INPP4B: variants seen among roughly 807,000 people sequenced by gnomAD.
The protein encoded by INPP4B is inositol polyphosphate-4-phosphatase type II B.
Under a neutral mutation model 122.5 loss-of-function variants are expected in INPP4B, and 55 were observed. The observed-to-expected ratio is 0.45, with a 90% confidence interval of 0.36 to 0.56. The LOEUF (loss-of-function observed/expected upper bound fraction) is 0.56. Ranked by LOEUF, INPP4B falls within the 20% of genes least tolerant of loss-of-function variation. The probability of loss-of-function intolerance (pLI) is 0.00; values close to 1 mark genes in which losing one functional copy is unlikely to be tolerated. For synonymous variants in INPP4B, 403 were observed against 388.7 expected, an observed-to-expected ratio of 1.04 and a Z score of -0.43; for missense variants, 1,000 against 1,097.7, an observed-to-expected ratio of 0.91 and a Z score of 1.26.
At chr4:142,506,444 G>A (rs1368947650) in intron 2 of INPP4B, among the ~76,000 whole-genome samples, 1 of 152,116 alleles carries the variant, frequency 6.6e-6, no homozygotes, top group African/African-American at 2.4e-5. Context: ...AGAAAGAAGG[G>A]TTAGGCTTTT....
At chr4:142,555,595 G>A (rs1327042917) in intron 2 of INPP4B, among the ~76,000 whole-genome samples, 2 of 152,106 alleles carry the variant, frequency 1.3e-5, no homozygotes, top group African/African-American at 4.8e-5. Flanking sequence ...TCGGCCAGGC[G>A]TGGTGGCTCA....
At chr4:142,392,340 T>A (rs1325480461) in intron 7 of INPP4B, among the ~76,000 whole-genome samples, 1 of 152,224 alleles carries the variant, frequency 6.6e-6, no homozygotes, top group Non-Finnish European at 1.5e-5. Context: ...TGTTTATGCC[T>A]CTATGAACAA....
At chr4:142,723,411 G>A (rs1299891006) in intron 2 of INPP4B, among the ~76,000 whole-genome samples, 1 of 152,038 alleles carries the variant, frequency 6.6e-6, no homozygotes, top group Non-Finnish European at 1.5e-5. Flanking sequence ...TCCTACCATG[G>A]TATACCTACC....
chr4:142,602,070 T>C (rs1740130364), intron 2 of INPP4B, among the ~76,000 whole-genome samples: 1 of 151,632 alleles, frequency 6.6e-6, no homozygotes, highest in Non-Finnish European at 1.5e-5. Flanking sequence ...AGGATCTACA[T>C]CTAGAGCACC....
At chr4:142,215,892 CAAAAAAAAAAAAAAAAAAAAAAAAAAAAA>C (rs200657873) in intron 12 of INPP4B, among the ~76,000 whole-genome samples, 13 of 54,574 alleles carry the variant, frequency 2.4e-4, no homozygotes, top group African/African-American at 7.5e-4. Context: ...GACTCTGTCT[CAAAAAAAAAAAAAAAAAAAAAAAAAAAAA>C]AAAAAAAAAA....
At chr4:142,197,830 T>C (rs1413601380) in intron 14 of INPP4B, among the ~76,000 whole-genome samples, 3 of 152,144 alleles carry the variant, frequency 2.0e-5, no homozygotes, top group Non-Finnish European at 4.4e-5. Context: ...TAAAACAGAT[T>C]TTCCATGAGA....
At chr4:142,160,274 AATGGAAAGCAGAGCT>A in intron 17 of INPP4B, 69 bp downstream of exon 17, 1 of 1,005,598 alleles carries the variant, frequency 9.9e-7, no homozygotes, top group Non-Finnish European at 1.4e-6. Context: ...CATTTTTTAA[AATGGAAAGCAGAGCT>A]ATCTGATCAT....
At chr4:142,266,273 C>T (rs909963288) in intron 10 of INPP4B, among the ~76,000 whole-genome samples, 5 of 152,118 alleles carry the variant, frequency 3.3e-5, no homozygotes, top group Non-Finnish European at 7.4e-5. Context: ...TCAAGAAAGT[C>T]TGCTCCAAAA....
intron 2 of INPP4B, among the ~76,000 whole-genome samples, chr4:142,716,726 A>C (rs1763820245): frequency 6.6e-6 from 1 of 152,190 alleles, no homozygotes; most frequent in Non-Finnish European, 1.5e-5. Flanking sequence ...ATTGTATTAA[A>C]GTTTTTTCAT....
At chr4:142,145,733 T>C in intron 18 of INPP4B, 107 bp downstream of exon 18, 1 of 1,067,362 alleles carries the variant, frequency 9.4e-7, no homozygotes, top group Admixed American at 2.0e-5. Context: ...CTATCAGCAC[T>C]CTCATCAAAG....
intron 16 of INPP4B, among the ~76,000 whole-genome samples, chr4:142,168,850 C>A (rs1824141712): frequency 6.6e-6 from 1 of 151,460 alleles, no homozygotes; most frequent in Non-Finnish European, 1.5e-5. Context: ...GCAATCTTGG[C>A]CTCCCAAACT....
intron 11 of INPP4B, among the ~76,000 whole-genome samples, chr4:142,251,870 C>T (rs17654944): frequency 0.084 from 12,802 of 152,168 alleles, 710 homozygotes; most frequent in Middle Eastern, 0.17. Flanking sequence ...ATTCATTAAC[C>T]TGATTATCAT....
At chr4:142,621,920 G>C (rs532783364) in intron 2 of INPP4B, among the ~76,000 whole-genome samples, 1 of 151,916 alleles carries the variant, frequency 6.6e-6, no homozygotes, top group African/African-American at 2.4e-5. Flanking sequence ...CTACAGGCAA[G>C]TGTTGTTAAT....
intron 5 of INPP4B, chr4:142,426,681 C>T (rs948291792): frequency 1.3e-5 from 2 of 151,832 alleles, no homozygotes; most frequent in Non-Finnish European, 2.9e-5. Context: ...ATTCAATAAG[C>T]AGAAGAACTT....
chr4:142,664,757 G>T (rs1206357800), intron 2 of INPP4B, among the ~76,000 whole-genome samples: 1 of 151,966 alleles, frequency 6.6e-6, no homozygotes, highest in East Asian at 1.9e-4. Context: ...ACAGAAAACA[G>T]AAAACAAGAT....
chr4:142,188,518 A>ATATATATATATATATATAT (rs1363710453), intron 15 of INPP4B, among the ~76,000 whole-genome samples: 1 of 105,096 alleles, frequency 9.5e-6, no homozygotes, highest in Admixed American at 1.3e-4. Context: ...AAAGAAAAAA[A>ATATATATATATATATATAT]ATATATATAG....
intron 25 of INPP4B, among the ~76,000 whole-genome samples, chr4:142,049,385 T>G (rs1015247795): frequency 1.4e-4 from 22 of 152,086 alleles, no homozygotes; most frequent in African/African-American, 4.8e-4. Flanking sequence ...TGTCTGGTTT[T>G]ATGTTTGTAT....
At chr4:142,760,685 A>G (rs989304541) in intron 1 of INPP4B, among the ~76,000 whole-genome samples, 2 of 152,198 alleles carry the variant, frequency 1.3e-5, no homozygotes, top group Non-Finnish European at 2.9e-5. Context: ...CTATTCTTAT[A>G]TTAAATTTTG....
At chr4:142,038,562 T>C (rs932825838) in intron 25 of INPP4B, among the ~76,000 whole-genome samples, 2 of 152,138 alleles carry the variant, frequency 1.3e-5, no homozygotes, top group Non-Finnish European at 2.9e-5. Flanking sequence ...CTTGACATGG[T>C]ATTCTAAGGG....
Sources: allele counts gnomAD v4.1 joint callset (sites outside exome capture counted in the v4.1 genomes callset), GRCh38; gene constraint gnomAD v4.1.1; transcripts MANE v1.5; gene names NCBI Gene and HGNC (gene_info 2026-07-23, HGNC 2026-07-21).